SLX4IP: variants seen among roughly 807,000 people sequenced by gnomAD.
SLX4IP encodes the protein protein SLX4IP.
A neutral mutation model predicts 32.9 loss-of-function variants in SLX4IP; 34 were observed. The observed-to-expected ratio is 1.03, with a 90% CI of 0.79 to 1.38. The LOEUF is 1.38. SLX4IP is among the 40% of genes most tolerant of loss of function. The probability of loss-of-function intolerance (pLI) is 0.00; values close to 1 mark genes in which losing one functional copy is unlikely to be tolerated. For synonymous variants in SLX4IP, 172 were observed against 171.7 expected, an observed-to-expected ratio of 1.00 and a Z score of -0.01; for missense variants, 444 against 479.0, an observed-to-expected ratio of 0.93 and a Z score of 0.68.
intron 1 of SLX4IP, among the ~76,000 whole-genome samples, chr20:10,451,362 T>C (rs1028278354): frequency 1.3e-5 from 2 of 152,168 alleles, no homozygotes; most frequent in African/African-American, 4.8e-5. Flanking sequence ...GGTTTCACCA[T>C]GTTGGCCAGG....
At chr20:10,500,954 A>G (rs549054022) in intron 2 of SLX4IP, among the ~76,000 whole-genome samples, 2 of 152,290 alleles carry the variant, frequency 1.3e-5, no homozygotes, top group South Asian at 2.1e-4. Context: ...GATTAAGGCC[A>G]TGTCTGCAGG....
chr20:10,518,846 A>G (rs1375044886), intron 2 of SLX4IP, among the ~76,000 whole-genome samples: 1 of 152,152 alleles, frequency 6.6e-6, no homozygotes, highest in Non-Finnish European at 1.5e-5. Flanking sequence ...CTGGGATTAC[A>G]GGTGTGAGCT....
At position 10,572,496 on chromosome 20, in the gene SLX4IP, A is replaced by G. The variant is rs2066477419; in HGVS notation, c.238+11676A>G. On this transcript the variant is annotated intron_variant, in intron 4 of 7. Transcript: ENST00000334534. ...AGAAATAGACCCCCAAACAGAGCTC[A>G]TCTTCCAGCTGTAAGCACTTGCCTC... 2.0e-5 allele frequency among the ~76,000 whole-genome samples: 3 copies of G among 152,132 alleles called. 1 individual carries two copies. The South Asian group carries it at 6.2e-4, about 32-fold the overall frequency.
intron 6 of SLX4IP, among the ~76,000 whole-genome samples, chr20:10,617,727 C>G (rs953436771): frequency 7.0e-6 from 1 of 143,270 alleles, no homozygotes; most frequent in African/African-American, 2.6e-5. Context: ...TGGCTTACTG[C>G]GGCCTTGACC....
chr20:10,597,309 T>C (rs1310167024), intron 4 of SLX4IP, among the ~76,000 whole-genome samples: 2 of 152,218 alleles, frequency 1.3e-5, no homozygotes, highest in Non-Finnish European at 2.9e-5. Context: ...CTGATTCTTC[T>C]ACCAAATAAC....
chr20:10,583,851 G>A (rs184627512), intron 4 of SLX4IP, among the ~76,000 whole-genome samples: 1 of 152,140 alleles, frequency 6.6e-6, no homozygotes, highest in Non-Finnish European at 1.5e-5. Context: ...AAATTTAAAA[G>A]ACTCTTTTAC....
chr20:10,603,348 A>T (rs1319867045), intron 6 of SLX4IP, among the ~76,000 whole-genome samples: 1 of 152,240 alleles, frequency 6.6e-6, no homozygotes, highest in Admixed American at 6.5e-5. Flanking sequence ...ATTTATACAG[A>T]TGTAAGTTTT....
At position 10,624,361 on chromosome 20, in the gene SLX4IP, C is replaced by T. The variant is rs1220348823; in HGVS notation, c.*982C>T. The T allele has an allele frequency of 6.6e-6, 1 of 152,130 alleles. No homozygotes were observed. The highest frequency in any genetic ancestry group is 1.5e-5 in the Non-Finnish European group (1 of 68,028). The allele number at this position is 152,130 out of a possible 1,614,324, so 9.4% of individuals were successfully genotyped here. A position where few individuals can be genotyped will look rare whatever the true frequency, so the allele number is the denominator to read the frequency against. On this transcript the variant is annotated 3_prime_UTR_variant, in exon 8 of 8. Transcript: ENST00000334534. ...TTCCAGTTTCCCAGTTGGAAGGCTTCGCAGGCAGTTCAAATTTCAAGATGG... is the reference window on the plus strand; with the variant it reads ...TTCCAGTTTCCCAGTTGGAAGGCTTTGCAGGCAGTTCAAATTTCAAGATGG...
chr20:10,514,176 G>A (rs185826201), intron 2 of SLX4IP, among the ~76,000 whole-genome samples: 1 of 152,234 alleles, frequency 6.6e-6, no homozygotes, highest in Admixed American at 6.5e-5. Flanking sequence ...AACTCTACCG[G>A]GGAGTGGGAG....
chr20:10,527,286 A>G (rs192802068), intron 2 of SLX4IP, among the ~76,000 whole-genome samples: 401 of 152,354 alleles, frequency 2.6e-3, no homozygotes, highest in Non-Finnish European at 3.5e-3. Flanking sequence ...ACATCCTTGA[A>G]TAGCCATAGA....
rs891482146 is a variant in SLX4IP at position 10,622,904 on chromosome 20, C to T, written c.752C>T (p.Thr251Ile). The T allele has an allele frequency of 2.5e-6, 4 of 1,614,106 alleles. No homozygotes were observed. In the Admixed American group the frequency reaches 5.0e-5, roughly 20 times the overall value. ...GTTAATCAGACCCAGCCAGAAGACA[C>T]TAGTGGCCAGCAAAAACCTCATCCT... ...EKVNQTQPED[T>I]SGQQKPHPGE... Residue 251 changes from threonine (T) to isoleucine (I), a missense_variant, in exon 8 of 8, where the codon ACT becomes ATT. By Grantham distance (89) the Thr-to-Ile change is moderately conservative. Transcript: ENST00000334534.
At chr20:10,540,205 CTCTT>C (rs2066092238) in intron 2 of SLX4IP, among the ~76,000 whole-genome samples, 3 of 141,596 alleles carry the variant, frequency 2.1e-5, no homozygotes, top group Middle Eastern at 3.7e-3. Flanking sequence ...TTCTTTCTTT[CTCTT>C]TCTTTCTTCT....
chr20:10,521,972 T>A (rs148554653), intron 2 of SLX4IP, among the ~76,000 whole-genome samples: 18 of 152,256 alleles, frequency 1.2e-4, no homozygotes, highest in Non-Finnish European at 2.2e-4. Context: ...AGATCTGAAG[T>A]ATGTGTCATT....
intron 2 of SLX4IP, among the ~76,000 whole-genome samples, chr20:10,491,846 CACTT>C (rs2065626637): frequency 3.3e-5 from 5 of 152,176 alleles, no homozygotes; most frequent in South Asian, 4.1e-4. Context: ...ATAAACTCCT[CACTT>C]ACCCCAGAAG....
At chr20:10,538,780 G>A (rs955019565) in intron 2 of SLX4IP, among the ~76,000 whole-genome samples, 4 of 152,144 alleles carry the variant, frequency 2.6e-5, no homozygotes, top group African/African-American at 9.7e-5. Flanking sequence ...ACCTGCCATG[G>A]CCTCCCAAAG....
rs1461029778 is a variant in SLX4IP at position 10,583,377 on chromosome 20, TGGTGTACA to T, written c.239-15297_239-15290del. Among the ~76,000 whole-genome samples the T allele has an allele frequency of 2.6e-5, 4 of 152,354 alleles. No individual in the cohort carries two copies. In the East Asian group the frequency reaches 7.7e-4, roughly 29 times the overall value. Reference sequence around the variant, plus strand: ...GTTCTATTCAGGGTCTGAACAAGGTTGGTGTACACATTCATTGCACTCGGTTGATTATC... The same window carrying T: ...GTTCTATTCAGGGTCTGAACAAGGTTCATTCATTGCACTCGGTTGATTATC... On this transcript the variant is annotated intron_variant, in intron 4 of 7. Transcript: ENST00000334534.
intron 6 of SLX4IP, among the ~76,000 whole-genome samples, chr20:10,602,638 A>T (rs1028001764): frequency 6.6e-6 from 1 of 152,236 alleles, no homozygotes; most frequent in Admixed American, 6.5e-5. Context: ...ACAGAAAAAA[A>T]ATCCAACAGA....
At chr20:10,452,674 A>ATATATATAT (rs201507537) in intron 1 of SLX4IP, among the ~76,000 whole-genome samples, 1 of 93,778 alleles carries the variant, frequency 1.1e-5, no homozygotes, top group South Asian at 3.7e-4. Flanking sequence ...CAAAAAAAAA[A>ATATATATAT]AAAAAAATAT....
In SLX4IP at chr20:10,565,395, C is replaced by G. The variant is rs554244223; in HGVS notation, c.238+4575C>G. 2.6e-5 allele frequency among the ~76,000 whole-genome samples: 4 copies of G among 152,292 alleles called. No individual in the cohort carries two copies. In the East Asian group the frequency reaches 7.7e-4, roughly 29 times the overall value. On this transcript the variant is annotated intron_variant, in intron 4 of 7. Coordinates refer to ENST00000334534, the MANE Select transcript of SLX4IP (RefSeq NM_001009608.3). ...AACAGCCTCAGCCATGAGTCGGGGA[C>G]AGCTTTGAGACATGCTCCCTGTGAT...
Sources: gnomAD v4.1 joint callset for allele counts (sites outside exome capture counted in the v4.1 genomes callset) on GRCh38, gnomAD v4.1.1 for gene constraint, MANE v1.5 for transcripts, NCBI Gene and HGNC (gene_info 2026-07-23, HGNC 2026-07-21) for gene names.